MARCKSL1: variants seen among roughly 807,000 people sequenced by gnomAD.
MARCKSL1 encodes MARCKS-related protein.
In MARCKSL1, 5 loss-of-function variants were observed where a neutral mutation model predicts 13.3. The ratio of observed to expected loss-of-function variants is 0.38; its 90% CI spans 0.20 to 0.79. The LOEUF (loss-of-function observed/expected upper bound fraction) is 0.79. MARCKSL1 is among the 30% of genes least tolerant of loss of function. The pLI, the probability that MARCKSL1 is intolerant of heterozygous loss-of-function variation, is 0.45. For synonymous variants in MARCKSL1, 126 were observed against 103.2 expected (o/e 1.22, Z -1.34); for missense variants, 274 against 251.6 (o/e 1.09, Z -0.60).
chr1:32,336,096 G>C lies in MARCKSL1; in HGVS notation c.-63C>G. The stretch of plus-strand genomic sequence containing the variant: ...GGCTCGCGCCGCAGGGGATAGTACG[G>C]CGGGGTCGGCCCGGCCGGCGGAGGG... On this transcript the variant is annotated 5_prime_UTR_variant, in exon 1 of 2. Transcript: ENST00000329421. 2.0e-6 allele frequency: 2 copies of C among 1,007,730 alleles called. No homozygotes were observed. The highest frequency in any genetic ancestry group is 2.6e-6 in the Non-Finnish European group (2 of 774,468). 62.4% of individuals were successfully genotyped at this position (1,007,730 alleles called of 1,614,324 possible).
rs367628798 is a variant in MARCKSL1 at position 32,335,930 on chromosome 1, G to A, written c.87+17C>T. 24 of 1,276,394 alleles carry A rather than the reference G, an allele frequency of 1.9e-5. No homozygotes were observed. Among genetic ancestry groups the A allele is most frequent in the Middle Eastern group, 6.2e-4 (2 of 3,212 alleles). 79.1% of individuals were successfully genotyped at this position (1,276,394 alleles called of 1,614,324 possible). A position where few individuals can be genotyped will look rare whatever the true frequency, so the allele number is the denominator to read the frequency against. On this transcript the variant is annotated intron_variant, in intron 1 of 1. Coordinates refer to ENST00000329421, the MANE Select transcript of MARCKSL1 (RefSeq NM_023009.7). This position sits in a 1 kb window ranked among gnomAD's most constrained non-coding sequence, Gnocchi z 4.1. ...GCGAGAGGAGGGGCTGGGGCCGGCC[G>A]GGCCAAGCGTACCCACCTGGCCGTT...
In MARCKSL1 at chr1:32,335,965, G is replaced by A. The variant is rs765921559; in HGVS notation, c.69C>T (p.Pro23=). 1.2e-5 allele frequency: 16 copies of A among 1,293,544 alleles called. No homozygotes were observed. In the Admixed American group the frequency reaches 3.7e-4, roughly 30 times the overall value. 80.1% of individuals were successfully genotyped at this position (1,293,544 alleles called of 1,614,324 possible). ...VTAEEAAGAS[P]AKANGQENGH... ...TACCCACCTGGCCGTTGGCCTTCGC[G>A]GGGGAAGCGCCTGCTGCCTCCTCGG... is the stretch of plus-strand genomic sequence containing the variant. The change falls in exon 1 of 2, where the codon CCC becomes CCT. Residue 23 remains proline, a synonymous_variant. Transcript: ENST00000329421. The surrounding 1 kb of genome is among the most constrained non-coding windows in gnomAD (Gnocchi z 4.1).
In MARCKSL1 at chr1:32,335,188, G is replaced by A. The variant is rs1302046836; in HGVS notation, c.88-91C>T. Reference sequence around the variant, plus strand: ...TTCTAGAGGAAGGGGTCCTCGATTCGATTCTACTGCAACCCGAAAGTCTGG... The same window carrying A: ...TTCTAGAGGAAGGGGTCCTCGATTCAATTCTACTGCAACCCGAAAGTCTGG... On this transcript the variant is annotated intron_variant, in intron 1 of 1. Coordinates refer to ENST00000329421, the MANE Select transcript of MARCKSL1 (RefSeq NM_023009.7). The surrounding 1 kb of genome is among the most constrained non-coding windows in gnomAD (Gnocchi z 4.1). 7 of 1,311,060 alleles carry A rather than the reference G, an allele frequency of 5.3e-6. No homozygotes were observed. The highest frequency in any genetic ancestry group is 1.5e-5 in the African/African-American group (1 of 66,532). The allele number at this position is 1,311,060 out of a possible 1,614,324, so 81.2% of individuals were successfully genotyped here.
In MARCKSL1 at chr1:32,334,308, G is replaced by A. The variant is rs577957654; in HGVS notation, c.*289C>T. The A allele has an allele frequency of 1.8e-5, 6 of 331,522 alleles. No individual in the cohort carries two copies. The South Asian group carries it at 8.0e-4, about 44-fold the overall frequency. The allele number at this position is 331,522 out of a possible 1,614,324, so 20.5% of individuals were successfully genotyped here. A position where few individuals can be genotyped will look rare whatever the true frequency, so the allele number is the denominator to read the frequency against. The stretch of plus-strand genomic sequence containing the variant: ...GAAAACCAACAACTGCCTTATGCAG[G>A]GGTGGGGACAGGGAAGGAGGTAGGG... On this transcript the variant is annotated 3_prime_UTR_variant, in exon 2 of 2. Coordinates refer to ENST00000329421, the MANE Select transcript of MARCKSL1 (RefSeq NM_023009.7).
chr1:32,335,046 C>T lies in MARCKSL1; in HGVS notation c.139G>A (p.Glu47Lys). ...NGDLSPKGEG[E>K]SPPVNGTDEA... Reference sequence around the variant, plus strand: ...TCTGTTCCGTTCACAGGGGGCGACTCCCCTTCACCCTTGGGGGATAAGTCT... The same window carrying T: ...TCTGTTCCGTTCACAGGGGGCGACTTCCCTTCACCCTTGGGGGATAAGTCT... The change falls in exon 2 of 2, where the codon GAG becomes AAG. Residue 47 changes from glutamate to lysine, a missense_variant. By Grantham distance (56) the Glu-to-Lys change is moderately conservative (BLOSUM62 1). Transcript: ENST00000329421. The surrounding 1 kb of genome is among the most constrained non-coding windows in gnomAD (Gnocchi z 4.1). The T allele has an allele frequency of 6.4e-7, 1 of 1,560,634 alleles. No individual in the cohort carries two copies. The highest frequency in any genetic ancestry group is 8.7e-7 in the Non-Finnish European group (1 of 1,155,118).
Position 32,335,681 on chromosome 1 carries a change from C to A in MARCKSL1, c.87+266G>T, listed in dbSNP as rs1243708253. On this transcript the variant is annotated intron_variant, in intron 1 of 1. Transcript: ENST00000329421. This position sits in a 1 kb window ranked among gnomAD's most constrained non-coding sequence, Gnocchi z 4.1. ...CCCAGCAGCGCCTTTGTTCCCCGCG[C>A]GGCACTCGGGGCGGCCGGGGGGCAG... Among the ~76,000 whole-genome samples, 4 of 151,496 alleles carry A rather than the reference C, an allele frequency of 2.6e-5. No individual in the cohort carries two copies. Among genetic ancestry groups the A allele is most frequent in the Non-Finnish European group, 5.9e-5 (4 of 67,818 alleles).
rs1641364993 is a variant in MARCKSL1, at chr1:32,335,144, C to A, written c.88-47G>T. The A allele has an allele frequency of 6.0e-6, 9 of 1,495,072 alleles. No homozygotes were observed. Among genetic ancestry groups the A allele is most frequent in the Non-Finnish European group, 8.0e-6 (9 of 1,123,862 alleles). 92.6% of individuals were successfully genotyped at this position (1,495,072 alleles called of 1,614,324 possible). ...AATGAGGGCAGGGGCTCCCCCTCCC[C>A]CAGCCCGCTTCTGATCCCTTCTAGA... On this transcript the variant is annotated intron_variant, in intron 1 of 1. Transcript: ENST00000329421. This position sits in a 1 kb window ranked among gnomAD's most constrained non-coding sequence, Gnocchi z 4.1.
rs755357272 is a variant in MARCKSL1 at position 32,334,774 on chromosome 1, C to G, written c.411G>C (p.Glu137Asp). 3.4e-5 allele frequency: 54 copies of G among 1,611,390 alleles called. No individual in the cohort carries two copies. Among genetic ancestry groups the G allele is most frequent in the Non-Finnish European group, 4.3e-5 (51 of 1,179,794 alleles). ...CGGCCTTCCCTTCCTGAGCAGTGCC[C>G]TCGTCGCTGCAGGCACCGATCTCCC... ...EQGEIGACSD[E>D]GTAQEGKAAA... Residue 137 changes from glutamate to aspartate, a missense_variant, in exon 2 of 2, where the codon GAG (glutamate) becomes GAC (aspartate). Coordinates refer to ENST00000329421, the MANE Select transcript of MARCKSL1 (RefSeq NM_023009.7).
chr1:32,334,462 A>C lies in MARCKSL1; in HGVS notation c.*135T>G. The C allele has an allele frequency of 1.9e-6, 2 of 1,049,044 alleles. No individual in the cohort carries two copies. The highest frequency in any genetic ancestry group is 2.7e-6 in the Non-Finnish European group (2 of 751,980). The allele number at this position is 1,049,044 out of a possible 1,614,324, so 65.0% of individuals were successfully genotyped here. On this transcript the variant is annotated 3_prime_UTR_variant, in exon 2 of 2. Coordinates refer to ENST00000329421, the MANE Select transcript of MARCKSL1 (RefSeq NM_023009.7). ...CACAGGAGGGAGAGGAGGAAAGGGA[A>C]CGTGGCTGGGAGGAGGCAATAGCCC...
Position 32,335,055 on chromosome 1 carries a change from C to G in MARCKSL1, c.130G>C (p.Gly44Arg). The G allele has an allele frequency of 1.3e-6, 2 of 1,548,572 alleles. No individual in the cohort carries two copies. Among genetic ancestry groups the G allele is most frequent in the Non-Finnish European group, 8.7e-7 (1 of 1,149,612 alleles). Residue 44 changes from glycine to arginine, a missense_variant, in exon 2 of 2, where the codon GGT becomes CGT. Transcript: ENST00000329421. The surrounding 1 kb of genome is among the most constrained non-coding windows in gnomAD (Gnocchi z 4.1). The part of the protein sequence containing the change: ...VKSNGDLSPK[G>R]EGESPPVNGT... ...TTCACAGGGGGCGACTCCCCTTCAC[C>G]CTTGGGGGATAAGTCTCCATTGCTT...
In MARCKSL1 at chr1:32,335,552, C is replaced by T. The variant is rs1190753770; in HGVS notation, c.87+395G>A. Reference sequence around the variant, plus strand: ...AGGCTCTCCCGCATCTCGGCTCCCCCTTAAAAAAAAAAAGACCGTGGGCCA... The same window carrying T: ...AGGCTCTCCCGCATCTCGGCTCCCCTTTAAAAAAAAAAAGACCGTGGGCCA... On this transcript the variant is annotated intron_variant, in intron 1 of 1. Transcript: ENST00000329421. This position sits in a 1 kb window ranked among gnomAD's most constrained non-coding sequence, Gnocchi z 4.1. Among the ~76,000 whole-genome samples, 2 of 151,220 alleles carry T rather than the reference C, an allele frequency of 1.3e-5. No individual in the cohort carries two copies. Among genetic ancestry groups the T allele is most frequent in the Non-Finnish European group, 3.0e-5 (2 of 67,638 alleles).
chr1:32,334,750 G>A lies in MARCKSL1; in HGVS notation c.435C>T (p.Ala145=), dbSNP rs145689983. ...GTTCCTGGCTCTCAGGGGTGGCTGC[G>A]GCCTTCCCTTCCTGAGCAGTGCCCT... is the stretch of plus-strand genomic sequence containing the variant. The part of the protein sequence containing the change: ...SDEGTAQEGK[A]AATPESQEPQ... Residue 145 remains alanine, a synonymous_variant, in exon 2 of 2, where the codon GCC becomes GCT. Coordinates refer to ENST00000329421, the MANE Select transcript of MARCKSL1 (RefSeq NM_023009.7). 1.9e-6 allele frequency: 3 copies of A among 1,611,830 alleles called. No homozygotes were observed. The highest frequency in any genetic ancestry group is 4.5e-5 in the East Asian group (2 of 44,872).
Position 32,335,923 on chromosome 1 carries a change from G to A in MARCKSL1, c.87+24C>T, listed in dbSNP as rs1211044800. On this transcript the variant is annotated intron_variant, in intron 1 of 1. Coordinates refer to ENST00000329421, the MANE Select transcript of MARCKSL1 (RefSeq NM_023009.7). This position sits in a 1 kb window ranked among gnomAD's most constrained non-coding sequence, Gnocchi z 4.1. The stretch of plus-strand genomic sequence containing the variant: ...GCGAGGTGCGAGAGGAGGGGCTGGG[G>A]CCGGCCGGGCCAAGCGTACCCACCT... 3.1e-6 allele frequency: 4 copies of A among 1,269,958 alleles called. No individual in the cohort carries two copies. The highest frequency in any genetic ancestry group is 4.0e-6 in the Non-Finnish European group (4 of 1,000,266). The allele number at this position is 1,269,958 out of a possible 1,614,324, so 78.7% of individuals were successfully genotyped here.
In MARCKSL1 at chr1:32,335,209, T is replaced by C; in HGVS notation, c.88-112A>G. The C allele has an allele frequency of 8.3e-7, 1 of 1,206,642 alleles. No homozygotes were observed. The highest frequency in any genetic ancestry group is 1.1e-6 in the Non-Finnish European group (1 of 924,298). 74.7% of individuals were successfully genotyped at this position (1,206,642 alleles called of 1,614,324 possible). A position where few individuals can be genotyped will look rare whatever the true frequency, so the allele number is the denominator to read the frequency against. ...ATTCGATTCTACTGCAACCCGAAAG[T>C]CTGGCTTCAGCCTCACCCACACCCA... On this transcript the variant is annotated intron_variant, in intron 1 of 1. Transcript: ENST00000329421. This position sits in a 1 kb window ranked among gnomAD's most constrained non-coding sequence, Gnocchi z 4.1.
At position 32,333,983 on chromosome 1, in the gene MARCKSL1, CAAG is replaced by C. The variant is rs752544287; in HGVS notation, c.*611_*613del. 3 of 151,892 alleles carry C rather than the reference CAAG, an allele frequency of 2.0e-5. No homozygotes were observed. Among genetic ancestry groups the C allele is most frequent in the Admixed American group, 6.6e-5 (1 of 15,190 alleles). The allele number at this position is 151,892 out of a possible 1,614,324, so 9.4% of individuals were successfully genotyped here. On this transcript the variant is annotated 3_prime_UTR_variant, in exon 2 of 2. Transcript: ENST00000329421. ...TTTACAACAGTGGGAGAAAAAAAGA[CAAG>C]AAGTTGTTTCACATTACAGACCTCC... is the stretch of plus-strand genomic sequence containing the variant.
chr1:32,334,869 TGAA>T lies in MARCKSL1; in HGVS notation c.313_315del (p.Phe105del), dbSNP rs1229080310. The T allele has an allele frequency of 6.2e-7, 1 of 1,612,620 alleles. No homozygotes were observed. Among genetic ancestry groups the T allele is most frequent in the South Asian group, 1.1e-5 (1 of 91,074 alleles). ...CCCCCACCCTCCTTCCGATTTCTCTTGAAGGACAGGCCGCTCAATTTGAAAGGC... is the reference window on the plus strand; with the variant it reads ...CCCCCACCCTCCTTCCGATTTCTCTTGGACAGGCCGCTCAATTTGAAAGGC... On this transcript the variant is annotated inframe_deletion, in exon 2 of 2. Coordinates refer to ENST00000329421, the MANE Select transcript of MARCKSL1 (RefSeq NM_023009.7).
In MARCKSL1 at chr1:32,335,301, G is replaced by A. The variant is rs1436058837; in HGVS notation, c.88-204C>T. Among the ~76,000 whole-genome samples the A allele has an allele frequency of 1.3e-5, 2 of 152,110 alleles. No homozygotes were observed. The highest frequency in any genetic ancestry group is 2.9e-5 in the Non-Finnish European group (2 of 67,984). The stretch of plus-strand genomic sequence containing the variant: ...CGGGGAGCGAGCGCGCAGAGGGCGC[G>A]ACCGGCAGGAGGCGCTGGGGTCCCG... On this transcript the variant is annotated intron_variant, in intron 1 of 1. Coordinates refer to ENST00000329421, the MANE Select transcript of MARCKSL1 (RefSeq NM_023009.7). The surrounding 1 kb of genome is among the most constrained non-coding windows in gnomAD (Gnocchi z 4.1).
rs1641350753 is a variant in MARCKSL1, at chr1:32,334,574, A to T, written c.*23T>A. ...ACAGCACAGTTTTTGCAGCTTAGAG[A>T]TCACCCACCTGCCCCTACCTAGCTA... On this transcript the variant is annotated 3_prime_UTR_variant, in exon 2 of 2. Transcript: ENST00000329421. 6.6e-7 allele frequency: 1 copy of T among 1,515,720 alleles called. No homozygotes were observed. The highest frequency in any genetic ancestry group is 8.8e-7 in the Non-Finnish European group (1 of 1,132,802). 93.9% of individuals were successfully genotyped at this position (1,515,720 alleles called of 1,614,324 possible). A position where few individuals can be genotyped will look rare whatever the true frequency, so the allele number is the denominator to read the frequency against.
chr1:32,334,394 C>T lies in MARCKSL1; in HGVS notation c.*203G>A, dbSNP rs1641347444. 7.8e-6 allele frequency: 4 copies of T among 511,906 alleles called. No homozygotes were observed. The South Asian group carries it at 1.9e-4, about 24-fold the overall frequency. 31.7% of individuals were successfully genotyped at this position (511,906 alleles called of 1,614,324 possible). On this transcript the variant is annotated 3_prime_UTR_variant, in exon 2 of 2. Coordinates refer to ENST00000329421, the MANE Select transcript of MARCKSL1 (RefSeq NM_023009.7). Reference sequence around the variant, plus strand: ...TTGGGAAGCTGTAAGGGACCATCTTCAACTGGCCTTAAGAGGAGAACCAGA... The same window carrying T: ...TTGGGAAGCTGTAAGGGACCATCTTTAACTGGCCTTAAGAGGAGAACCAGA...
Sources: gnomAD v4.1 joint callset for allele counts (sites outside exome capture counted in the v4.1 genomes callset) on GRCh38, gnomAD v4.1.1 for gene constraint, Gnocchi (gnomAD v3.1) non-coding constraint, MANE v1.5 for transcripts, NCBI Gene and HGNC (gene_info 2026-07-23, HGNC 2026-07-21) for gene names.